The following TRMT44 variants were observed in gnomAD, a reference collection of about 807,000 sequenced individuals.
TRMT44 encodes the protein probable tRNA (uracil-O(2)-)-methyltransferase.
A neutral mutation model predicts 77.3 loss-of-function variants in TRMT44; 78 were observed. The ratio of observed to expected loss-of-function variants is 1.01; its 90% CI spans 0.84 to 1.22. The LOEUF is 1.22. Ranked by LOEUF, TRMT44 falls within the 50% of genes most tolerant of loss-of-function variation. The probability of loss-of-function intolerance (pLI) is 0.00; values close to 1 mark genes in which losing one functional copy is unlikely to be tolerated. For synonymous variants in TRMT44, 391 were observed against 383.3 expected (o/e 1.02, Z -0.23); for missense variants, 1,090 against 964.4 (o/e 1.13, Z -1.73).
rs563297097 is a variant in TRMT44 at position 8,468,906 on chromosome 4, C to T, written c.1927+560C>T. ...AGCCAGGGCTGTAAGGACCTCGCCT[C>T]CTTCCGGGCAGGGATGCTGCTTGGC... is the stretch of plus-strand genomic sequence containing the variant. On this transcript the variant is annotated intron_variant, in intron 9 of 10. Coordinates refer to ENST00000389737, the MANE Select transcript of TRMT44 (RefSeq NM_152544.3). Among the ~76,000 whole-genome samples, 16 of 152,336 alleles carry T rather than the reference C, an allele frequency of 1.1e-4. 1 individual carries two copies. The highest frequency in any genetic ancestry group is 2.6e-4 in the African/African-American group (11 of 41,576).
chr4:8,499,253 T>A, the TRMT44 span, among the ~76,000 whole-genome samples: 1 of 152,042 alleles, frequency 6.6e-6, no homozygotes, highest in African/African-American at 2.4e-5. Flanking sequence ...CCCAACACTG[T>A]GCTGAGACAC....
rs1405821488 is a variant in TRMT44, at chr4:8,476,216, G to A, written c.*215G>A. On this transcript the variant is annotated 3_prime_UTR_variant, in exon 11 of 11. Transcript: ENST00000389737. ...AAGCCCCCAGCTGACTGCCTGGCTT[G>A]TTTCAGATGCAGCCGCTTGAAACGT... The A allele has an allele frequency of 8.4e-6, 5 of 592,874 alleles. No homozygotes were observed. The highest frequency in any genetic ancestry group is 7.4e-5 in the African/African-American group (4 of 53,788). The allele number at this position is 592,874 out of a possible 1,614,324, so 36.7% of individuals were successfully genotyped here.
intron 2 of TRMT44, among the ~76,000 whole-genome samples, chr4:8,447,943 G>A (rs527720593): frequency 1.4e-4 from 21 of 152,364 alleles, no homozygotes; most frequent in African/African-American, 1.7e-4. Context: ...TGCAGGAGGT[G>A]CTTGGCATGT....
rs781100187 is a variant in TRMT44 at position 8,467,878 on chromosome 4, C to T, written c.1495-36C>T. On this transcript the variant is annotated intron_variant, in intron 8 of 10. Transcript: ENST00000389737. ...ATGGAGAACGTTGAAATAGACTAGC[C>T]AGCTAAAATACTTGCTTTGCTTTCT... 13 of 1,550,880 alleles carry T rather than the reference C, an allele frequency of 8.4e-6. No homozygotes were observed. In the African/African-American group the frequency reaches 1.1e-4, roughly 13 times the overall value.
chr4:8,468,379 C>T, intron 9 of TRMT44, 33 bp downstream of exon 9: 1 of 1,596,818 alleles, frequency 6.3e-7, no homozygotes. Flanking sequence ...GAGGGGCTAG[C>T]ACGCTCCCAG....
Position 8,444,668 on chromosome 4 carries a change from G to C in TRMT44, c.620-1808G>C, listed in dbSNP as rs1724956285. ...CTGCCTTGGCCTCCCAAAGTGCCGG[G>C]GTTACGGGCGTGAGCCACCTCTCCC... On this transcript the variant is annotated intron_variant, in intron 1 of 10. Transcript: ENST00000389737. The surrounding 1 kb of genome is among the most constrained non-coding windows in gnomAD (Gnocchi z 4.0). Among the ~76,000 whole-genome samples the C allele has an allele frequency of 6.6e-6, 1 of 152,172 alleles. No individual in the cohort carries two copies. The highest frequency in any genetic ancestry group is 2.1e-4 in the South Asian group (1 of 4,828).
the TRMT44 span, chr4:8,510,168 G>A: frequency 6.6e-6 from 1 of 152,656 alleles, no homozygotes; most frequent in East Asian, 1.9e-4. Context: ...CACTGGACTT[G>A]GTTATCCAGG....
chr4:8,471,031 T>G, intron 9 of TRMT44, 53 bp from the exon 10 acceptor site: 1 of 1,252,910 alleles, frequency 8.0e-7, no homozygotes. Context: ...GTGTGACAGG[T>G]TCGTAATATT....
At chr4:8,454,506 C>G in intron 5 of TRMT44, 1 of 583,208 alleles carries the variant, frequency 1.7e-6, no homozygotes, top group South Asian at 2.1e-5. Flanking sequence ...TACCACCAGA[C>G]TGGGCTGCAG....
At chr4:8,505,534 T>G in the TRMT44 span, among the ~76,000 whole-genome samples, 1 of 152,106 alleles carries the variant, frequency 6.6e-6, no homozygotes, top group African/African-American at 2.4e-5. Context: ...GGGGCATGAG[T>G]CACGCCCTGT....
the TRMT44 span, among the ~76,000 whole-genome samples, chr4:8,505,897 C>A: frequency 6.6e-6 from 1 of 152,206 alleles, no homozygotes; most frequent in Non-Finnish European, 1.5e-5. Flanking sequence ...CTTCTGTCTC[C>A]TGCCACCATG....
chr4:8,441,107 G>T lies in TRMT44; in HGVS notation c.285G>T (p.Thr95=). 1 of 1,516,126 alleles carries T rather than the reference G, an allele frequency of 6.6e-7. No homozygotes were observed. Among genetic ancestry groups the T allele is most frequent in the Non-Finnish European group, 8.8e-7 (1 of 1,135,086 alleles). 93.9% of individuals were successfully genotyped at this position (1,516,126 alleles called of 1,614,324 possible). A position where few individuals can be genotyped will look rare whatever the true frequency, so the allele number is the denominator to read the frequency against. The change falls in exon 1 of 11, where the codon ACG becomes ACT. Residue 95 remains threonine (T), a synonymous_variant. Coordinates refer to ENST00000389737, the MANE Select transcript of TRMT44 (RefSeq NM_152544.3). The stretch of plus-strand genomic sequence containing the variant: ...CGCTATCAGGACCCGAGCAGGGCAC[G>T]GCATGTTGCGAACTTGAGGAGGCCC... The part of the protein sequence containing the change: ...PRSLSGPEQG[T]ACCELEEAQG...
intron 2 of TRMT44, among the ~76,000 whole-genome samples, chr4:8,488,436 G>T (rs1727887313): frequency 6.6e-6 from 1 of 152,220 alleles, no homozygotes; most frequent in African/African-American, 2.4e-5. Context: ...AAGGAGGTTT[G>T]TTCTCTGGTG....
chr4:8,446,262 T>G lies in TRMT44; in HGVS notation c.620-214T>G, dbSNP rs895339440. On this transcript the variant is annotated intron_variant, in intron 1 of 10. Transcript: ENST00000389737. This position sits in a 1 kb window ranked among gnomAD's most constrained non-coding sequence, Gnocchi z 4.3. ...GGCTCATGCATCTCTCAACAGATAC[T>G]TGCAGAGAATGGCTGCTGTATGCCT... is the stretch of plus-strand genomic sequence containing the variant. 5.3e-5 allele frequency among the ~76,000 whole-genome samples: 8 copies of G among 152,214 alleles called. No individual in the cohort carries two copies. The highest frequency in any genetic ancestry group is 1.7e-4 in the African/African-American group (7 of 41,452).
chr4:8,440,795 T>G lies in TRMT44; in HGVS notation c.-28T>G, dbSNP rs1485781853. ...GGGCTGCGTCATCTCGGCGCGCCGC[T>G]GCCAGGGCTGTACACCTGCTGGCTG... On this transcript the variant is annotated 5_prime_UTR_variant, in exon 1 of 11. Transcript: ENST00000389737. 12 of 1,391,372 alleles carry G rather than the reference T, an allele frequency of 8.6e-6. No homozygotes were observed. Among genetic ancestry groups the G allele is most frequent in the Non-Finnish European group, 9.3e-6 (10 of 1,077,458 alleles). The allele number at this position is 1,391,372 out of a possible 1,614,324, so 86.2% of individuals were successfully genotyped here.
rs770094775 is a variant in TRMT44 at position 8,464,242 on chromosome 4, G to T, written c.1310+151G>T. On this transcript the variant is annotated intron_variant, in intron 7 of 10. Transcript: ENST00000389737. The stretch of plus-strand genomic sequence containing the variant: ...TTGTTGAAATGTTTGCTTATTGCCT[G>T]TATTGGGTTAAATTTAAAATAAATT... The T allele has an allele frequency of 1.2e-5, 7 of 594,240 alleles. No individual in the cohort carries two copies. In the Admixed American group the frequency reaches 2.4e-4, roughly 20 times the overall value. The allele number at this position is 594,240 out of a possible 1,614,324, so 36.8% of individuals were successfully genotyped here.
In TRMT44 at chr4:8,490,885, T is replaced by C. The variant is rs564451103; in HGVS notation, n.3892-2381T>C. Among the ~76,000 whole-genome samples the C allele has an allele frequency of 4.0e-4, 61 of 152,276 alleles. 1 individual carries two copies. Among genetic ancestry groups the C allele is most frequent in the African/African-American group, 1.4e-3 (58 of 41,556 alleles). On this transcript the variant is annotated intron_variant and non_coding_transcript_variant, in intron 2 of 2. Coordinates refer to the TRMT44 transcript ENST00000511366. ...ATTGGTGCGTTTACAATCCCTGAGC[T>C]AGATACAAAGGTTCTCCACGTCCCC...
At chr4:8,460,270 G>A (rs12501889) in intron 6 of TRMT44, among the ~76,000 whole-genome samples, 3,818 of 152,280 alleles carry the variant, frequency 0.025, 85 homozygotes, top group African/African-American at 0.062. Context: ...GGGTGTGACT[G>A]GGTCACAGAG....
rs150674337 is a variant in TRMT44, at chr4:8,486,033, C to T, written n.3891+6500C>T. On this transcript the variant is annotated intron_variant and non_coding_transcript_variant, in intron 2 of 2. Transcript: ENST00000511366. ...GGGGGCTTCCAAGGTGATCGGGCAG[C>T]GTCAATCTTCAGTTGCTAAGCCAAG... Among the ~76,000 whole-genome samples, 190 of 152,270 alleles carry T rather than the reference C, an allele frequency of 1.2e-3. 2 individuals are homozygous for T. The highest frequency in any genetic ancestry group is 4.2e-3 in the African/African-American group (174 of 41,558).
Sources: gnomAD v4.1 joint callset for allele counts (sites outside exome capture counted in the v4.1 genomes callset) on GRCh38, gnomAD v4.1.1 for gene constraint, Gnocchi (gnomAD v3.1) non-coding constraint, MANE v1.5 for transcripts, NCBI Gene and HGNC (gene_info 2026-07-23, HGNC 2026-07-21) for gene names.